FRMD4B: variants seen among roughly 807,000 people sequenced by gnomAD.
FRMD4B encodes FERM domain containing 4B.
In FRMD4B, 74 loss-of-function variants were observed where a neutral mutation model predicts 141.5. That is an observed-to-expected ratio of 0.52 (90% confidence interval 0.43 to 0.63). FRMD4B has a LOEUF of 0.63. Among genes scored for constraint, FRMD4B ranks in the 30% least tolerant of loss-of-function variants. FRMD4B has a pLI of 0.00. For missense variants in FRMD4B, 1,366 were observed against 1,253.4 expected (o/e 1.09, Z -1.36); for synonymous variants, 506 against 467.9 (o/e 1.08, Z -1.05).
intron 10 of FRMD4B, 78 bp from the exon 11 acceptor site, chr3:69,216,427 C>CACTTTTT: frequency 1.6e-6 from 1 of 607,974 alleles, no homozygotes; most frequent in South Asian, 2.0e-5. Flanking sequence ...CCAATTTCAC[C>CACTTTTT]TCTTTTTTTT....
intron 1 of FRMD4B, among the ~76,000 whole-genome samples, chr3:69,369,827 G>A (rs1234951721): frequency 4.6e-5 from 7 of 152,094 alleles, no homozygotes; most frequent in Non-Finnish European, 8.8e-5. Flanking sequence ...ATTGGTAGTA[G>A]CCTATTTATT....
At chr3:69,251,898 C>T (rs936740046) in intron 5 of FRMD4B, among the ~76,000 whole-genome samples, 2 of 152,136 alleles carry the variant, frequency 1.3e-5, no homozygotes, top group East Asian at 1.9e-4. Flanking sequence ...AAGAAACTCA[C>T]GGCAAGGGAG....
At chr3:69,213,167 T>C (rs2093103446) in intron 11 of FRMD4B, among the ~76,000 whole-genome samples, 1 of 152,322 alleles carries the variant, frequency 6.6e-6, no homozygotes, top group Non-Finnish European at 1.5e-5. Context: ...AAACACTGTA[T>C]ATATTAGATT....
chr3:69,191,772 C>A (rs1276613541), intron 17 of FRMD4B, among the ~76,000 whole-genome samples: 1 of 152,150 alleles, frequency 6.6e-6, no homozygotes, highest in Non-Finnish European at 1.5e-5. Context: ...AACAAATGGC[C>A]ATGAAGTTAA....
intron 1 of FRMD4B, among the ~76,000 whole-genome samples, chr3:69,487,695 AC>A (rs1251151205): frequency 6.6e-6 from 1 of 152,204 alleles, no homozygotes; most frequent in Non-Finnish European, 1.5e-5. Flanking sequence ...ATCCAGGAAG[AC>A]TTTTGGAACC....
chr3:69,241,333 G>T (rs1483787016), intron 7 of FRMD4B, among the ~76,000 whole-genome samples: 1 of 152,178 alleles, frequency 6.6e-6, no homozygotes, highest in Non-Finnish European at 1.5e-5. Flanking sequence ...AGTGGAAAAT[G>T]CTGCTTATGT....
At chr3:69,192,399 C>T (rs1323701244) in intron 17 of FRMD4B, among the ~76,000 whole-genome samples, 1 of 151,796 alleles carries the variant, frequency 6.6e-6, no homozygotes, top group African/African-American at 2.4e-5. Context: ...CAAAAAAAGA[C>T]AAACAAAAAA....
At chr3:69,483,587 G>A (rs529977959) in intron 1 of FRMD4B, among the ~76,000 whole-genome samples, 2 of 152,098 alleles carry the variant, frequency 1.3e-5, no homozygotes, top group Non-Finnish European at 2.9e-5. Context: ...GGACCATATT[G>A]GGAAATGGTC....
chr3:69,385,940 C>A lies in FRMD4B; in HGVS notation c.50G>T (p.Ser17Ile). The change falls in exon 1 of 23, where the codon AGC (serine) becomes ATC (isoleucine). Residue 17 changes from serine (S) to isoleucine (I), a missense_variant. Ser to Ile is a moderately radical substitution (Grantham distance 142). Coordinates refer to ENST00000398540, the MANE Select transcript of FRMD4B (RefSeq NM_015123.3). ...CACGGTCAAGTTCCATACGAAGCGG[C>A]TGCCGCTGAACAGCAGGTCCTCCAC... ...CGVEDLLFSG[S>I]RFVWNLTVST... is the part of the protein sequence containing the mutation. The A allele has an allele frequency of 6.2e-7, 1 of 1,605,504 alleles. No individual in the cohort carries two copies. Among genetic ancestry groups the A allele is most frequent in the Non-Finnish European group, 8.5e-7 (1 of 1,176,464 alleles).
intron 1 of FRMD4B, among the ~76,000 whole-genome samples, chr3:69,317,699 G>A (rs1030032470): frequency 3.0e-5 from 4 of 133,600 alleles, no homozygotes; most frequent in African/African-American, 1.1e-4. Context: ...AGATTGCAGT[G>A]AGCCAAGATC....
At chr3:69,208,597 C>T (rs914686265) in intron 11 of FRMD4B, among the ~76,000 whole-genome samples, 2 of 152,124 alleles carry the variant, frequency 1.3e-5, no homozygotes, top group Non-Finnish European at 2.9e-5. Context: ...TTCTGCCCTT[C>T]GGGTCTCAGG....
chr3:69,279,682 TC>T, intron 5 of FRMD4B, among the ~76,000 whole-genome samples: 1 of 46,522 alleles, frequency 2.1e-5, no homozygotes, highest in East Asian at 1.2e-3. Context: ...CTCCTCCTCC[TC>T]CTCCTCCCCT....
chr3:69,209,345 AAAATTCT>A (rs1373918949), intron 11 of FRMD4B, among the ~76,000 whole-genome samples: 1 of 152,192 alleles, frequency 6.6e-6, no homozygotes, highest in African/African-American at 2.4e-5. Context: ...AGAACTGCTT[AAAATTCT>A]AATTGCGATC....
At chr3:69,367,045 G>A (rs1397940922) in intron 1 of FRMD4B, among the ~76,000 whole-genome samples, 1 of 152,066 alleles carries the variant, frequency 6.6e-6, no homozygotes, top group African/African-American at 2.4e-5. Flanking sequence ...GGGTTTACAG[G>A]TATGAGCCAC....
intron 2 of FRMD4B, among the ~76,000 whole-genome samples, chr3:69,393,946 G>T (rs1704432239): frequency 2.0e-5 from 3 of 152,166 alleles, no homozygotes; most frequent in Admixed American, 2.0e-4. Flanking sequence ...TGGTGGAGTT[G>T]CTAATTTTTC....
At chr3:69,450,556 G>A (rs968527755) in intron 1 of FRMD4B, among the ~76,000 whole-genome samples, 1 of 152,140 alleles carries the variant, frequency 6.6e-6, no homozygotes, top group Non-Finnish European at 1.5e-5. Flanking sequence ...AGTTCAAGAC[G>A]AGCCTGTCCA....
intron 1 of FRMD4B, among the ~76,000 whole-genome samples, chr3:69,435,129 C>A (rs1440074618): frequency 6.6e-6 from 1 of 152,162 alleles, no homozygotes; most frequent in Non-Finnish European, 1.5e-5. Flanking sequence ...TGCACAGTCA[C>A]ATTCTGAGGT....
rs77734383 is a variant in FRMD4B, at chr3:69,204,686, C to T, written c.877-5912G>A. On this transcript the variant is annotated intron_variant, in intron 11 of 22. Transcript: ENST00000398540. The stretch of plus-strand genomic sequence containing the variant: ...CCATCAAATGTTTATGTGACTGAGA[C>T]AAAGTCTCTGCCCTCAAGGAGGGTA... Among the ~76,000 whole-genome samples the T allele has an allele frequency of 1.8e-3, 269 of 152,294 alleles. 2 individuals carry two copies. Among genetic ancestry groups the T allele is most frequent in the African/African-American group, 6.2e-3 (257 of 41,570 alleles).
intron 5 of FRMD4B, among the ~76,000 whole-genome samples, chr3:69,257,857 C>T (rs965367242): frequency 3.9e-5 from 6 of 152,086 alleles, no homozygotes; most frequent in Non-Finnish European, 8.8e-5. Context: ...GATGGAGTCT[C>T]ACTCTGTCAC....
Sources: gnomAD v4.1 joint callset for allele counts (sites outside exome capture counted in the v4.1 genomes callset) on GRCh38, gnomAD v4.1.1 for gene constraint, MANE v1.5 for transcripts, NCBI Gene and HGNC (gene_info 2026-07-23, HGNC 2026-07-21) for gene names.